The following DNHD1 variants were observed in gnomAD, a reference collection of about 807,000 sequenced individuals.
The protein encoded by DNHD1 is dynein heavy chain domain-containing protein 1.
Under a neutral mutation model 458.1 loss-of-function variants are expected in DNHD1, and 383 were observed. The observed-to-expected ratio is 0.84, with a 90% CI of 0.77 to 0.91. DNHD1 has a LOEUF of 0.91. Ranked by LOEUF, DNHD1 falls within the 40% of genes least tolerant of loss-of-function variation. DNHD1 has a pLI of 0.00. For missense variants in DNHD1, 5,336 were observed against 5,866.1 expected, an observed-to-expected ratio of 0.91 and a Z score of 2.95; for synonymous variants, 2,203 against 2,376.9, an observed-to-expected ratio of 0.93 and a Z score of 2.13.
intron 10 of DNHD1, among the ~76,000 whole-genome samples, chr11:6,527,256 G>A (rs531966584): frequency 2.6e-5 from 4 of 152,304 alleles, no homozygotes; most frequent in African/African-American, 9.6e-5. Context: ...GGAGGCAAGG[G>A]CCAATGCAGG....
intron 14 of DNHD1, among the ~76,000 whole-genome samples, chr11:6,534,562 T>C (rs1449808550): frequency 6.6e-6 from 1 of 152,180 alleles, no homozygotes; most frequent in African/African-American, 2.4e-5. Context: ...AGAGTAGGTC[T>C]TGATGCTCTA....
chr11:6,529,187 T>C (rs1852776742), intron 12 of DNHD1, 66 bp downstream of exon 12: 4 of 1,526,338 alleles, frequency 2.6e-6, no homozygotes, highest in Admixed American at 2.0e-5. Flanking sequence ...TGGCCTGCCT[T>C]GGTCCTGGAA....
chr11:6,520,878 G>A (rs547974340), intron 10 of DNHD1: 198 of 984,220 alleles, frequency 2.0e-4, no homozygotes, highest in African/African-American at 1.9e-3. Flanking sequence ...CATCTGACTC[G>A]TCCATACTTT....
Position 6,563,381 on chromosome 11 carries a change from G to C in DNHD1, c.9670-1G>C. On this transcript the variant is annotated splice_acceptor_variant, in intron 29 of 42. Transcript: ENST00000254579. LOFTEE classifies it high-confidence loss of function. ...TTCAGAGGGTATCTCTCCTCATTTAGATGAGCAAGGCATTTCTGGAGCCTC... is the reference window on the plus strand; with the variant it reads ...TTCAGAGGGTATCTCTCCTCATTTACATGAGCAAGGCATTTCTGGAGCCTC... 3 of 1,551,694 alleles carry C rather than the reference G, an allele frequency of 1.9e-6. No homozygotes were observed. The highest frequency in any genetic ancestry group is 2.6e-6 in the Non-Finnish European group (3 of 1,146,976).
chr11:6,570,830 C>G lies in DNHD1; in HGVS notation c.13318C>G (p.Arg4440Gly), dbSNP rs200725582. The change falls in exon 42 of 43, where the codon CGG becomes GGG. Residue 4440 changes from arginine (R) to glycine (G), a missense_variant. By Grantham distance (125) the Arg-to-Gly change is moderately radical. Transcript: ENST00000254579. ...CGCCCAGCTTGCGGAAAGGCGACTGCGGCAACGCCTAGTGCAAGTCAACCG... is the reference window on the plus strand; with the variant it reads ...CGCCCAGCTTGCGGAAAGGCGACTGGGGCAACGCCTAGTGCAAGTCAACCG... ...RGAQLAERRLRQRLVQVNRRL... is the reference protein window; with the variant it reads ...RGAQLAERRLGQRLVQVNRRL... 1 of 1,614,032 alleles carries G rather than the reference C, an allele frequency of 6.2e-7. No individual in the cohort carries two copies. Among genetic ancestry groups the G allele is most frequent in the Admixed American group, 1.7e-5 (1 of 60,034 alleles).
chr11:6,570,279 A>C lies in DNHD1; in HGVS notation c.12988A>C (p.Thr4330Pro), dbSNP rs1322837859. ...SVFYGGPLGD[T>P]EDREALISLT... ...TTTCTACGGGGGTCCTCTGGGGGACACTGAGGACAGGGAGGCCCTGATTAG... is the reference window on the plus strand; with the variant it reads ...TTTCTACGGGGGTCCTCTGGGGGACCCTGAGGACAGGGAGGCCCTGATTAG... Residue 4330 changes from threonine (T) to proline (P), a missense_variant, in exon 41 of 43, where the codon ACT becomes CCT. By Grantham distance (38) the Thr-to-Pro change is conservative. Around this residue, in one of 4 missense-constraint regions of DNHD1, gnomAD observed 698 missense variants for 664.9 expected, o/e 1.05. Coordinates refer to ENST00000254579, the MANE Select transcript of DNHD1 (RefSeq NM_144666.3). The C allele has an allele frequency of 6.2e-7, 1 of 1,613,782 alleles. No individual in the cohort carries two copies. The highest frequency in any genetic ancestry group is 1.3e-5 in the African/African-American group (1 of 75,014).
rs73404914 is a variant in DNHD1 at position 6,523,628 on chromosome 11, A to G, written c.1837+3339A>G. On this transcript the variant is annotated intron_variant, in intron 10 of 42. Transcript: ENST00000254579. The stretch of plus-strand genomic sequence containing the variant: ...TTATATCAATACATATAAATTTTCA[A>G]TTGAAGCCCCAAATCCCTTAGAAAT... Among the ~76,000 whole-genome samples the G allele has an allele frequency of 7.3e-3, 1,117 of 152,320 alleles. 11 individuals carry two copies. The highest frequency in any genetic ancestry group is 0.025 in the African/African-American group (1,048 of 41,572).
intron 7 of DNHD1, among the ~76,000 whole-genome samples, chr11:6,518,850 G>C (rs1160017385): frequency 6.6e-6 from 1 of 152,060 alleles, no homozygotes; most frequent in Non-Finnish European, 1.5e-5. Flanking sequence ...GAAGACTGGG[G>C]CTTGAGCTCA....
At chr11:6,516,555 C>T (rs574779295) in intron 7 of DNHD1, among the ~76,000 whole-genome samples, 1 of 152,136 alleles carries the variant, frequency 6.6e-6, no homozygotes, top group East Asian at 1.9e-4. Flanking sequence ...ACCTCAGCCT[C>T]CCAAAGTGCT....
intron 12 of DNHD1, among the ~76,000 whole-genome samples, chr11:6,530,222 A>G (rs568669913): frequency 1.3e-5 from 2 of 151,992 alleles, no homozygotes; most frequent in Non-Finnish European, 2.9e-5. Context: ...CCATTCTACT[A>G]CCTATTTTCT....
At chr11:6,526,863 C>T (rs1361611233) in intron 10 of DNHD1, among the ~76,000 whole-genome samples, 1 of 152,188 alleles carries the variant, frequency 6.6e-6, no homozygotes, top group Non-Finnish European at 1.5e-5. Context: ...ACCTGCTGTT[C>T]TGAAATGGGC....
At chr11:6,509,860 A>G (rs957344685) in intron 6 of DNHD1, among the ~76,000 whole-genome samples, 5 of 152,308 alleles carry the variant, frequency 3.3e-5, no homozygotes, top group Admixed American at 3.3e-4. Flanking sequence ...GAAGGAATGC[A>G]GTGGTTTAGG....
rs1852085902 is a variant in DNHD1 at position 6,498,902 on chromosome 11, G to A, written c.687G>A (p.Arg229=). The change falls in exon 3 of 43, where the codon CGG becomes CGA. Residue 229 remains arginine, a synonymous_variant. Coordinates refer to ENST00000254579, the MANE Select transcript of DNHD1 (RefSeq NM_144666.3). ...PLALAADIPV[R]YESSDTDNAE... The stretch of plus-strand genomic sequence containing the variant: ...CACTGGCAGCGGACATCCCTGTACG[G>A]TATGAAAGCAGTGACACTGACAATG... 3.1e-6 allele frequency: 5 copies of A among 1,613,560 alleles called. No individual in the cohort carries two copies. The highest frequency in any genetic ancestry group is 4.2e-6 in the Non-Finnish European group (5 of 1,179,786).
At position 6,538,488 on chromosome 11, in the gene DNHD1, G is replaced by T; in HGVS notation, c.3104G>T (p.Trp1035Leu). Residue 1035 changes from tryptophan to leucine, a missense_variant, in exon 15 of 43, where the codon TGG (tryptophan) becomes TTG (leucine). Around this residue, in one of 4 missense-constraint regions of DNHD1, gnomAD observed 3,932 missense variants for 4,365.6 expected, o/e 0.90. Coordinates refer to ENST00000254579, the MANE Select transcript of DNHD1 (RefSeq NM_144666.3). ...YRVISENISE[W>L]KCMAFAKFSP... is the part of the protein sequence containing the mutation. Reference sequence around the variant, plus strand: ...GTCATCTCCGAAAACATCAGCGAGTGGAAGTGCATGGCTTTTGCCAAGGTG... The same window carrying T: ...GTCATCTCCGAAAACATCAGCGAGTTGAAGTGCATGGCTTTTGCCAAGGTG... The T allele has an allele frequency of 6.4e-7, 1 of 1,551,774 alleles. No individual in the cohort carries two copies. Among genetic ancestry groups the T allele is most frequent in the Non-Finnish European group, 8.7e-7 (1 of 1,147,008 alleles).
Position 6,498,109 on chromosome 11 carries a change from G to C in DNHD1, c.-107G>C. On this transcript the variant is annotated 5_prime_UTR_variant, in exon 3 of 43. Coordinates refer to ENST00000254579, the MANE Select transcript of DNHD1 (RefSeq NM_144666.3). ...GGTCCCTTCTCTGGCCCCTCTGCTG[G>C]GCTGGCCCATGCAGGTGAGGCCCCG... 1.3e-6 allele frequency: 2 copies of C among 1,492,932 alleles called. No homozygotes were observed. Among genetic ancestry groups the C allele is most frequent in the Non-Finnish European group, 9.1e-7 (1 of 1,100,792 alleles). 92.5% of individuals were successfully genotyped at this position (1,492,932 alleles called of 1,614,324 possible).
intron 39 of DNHD1, among the ~76,000 whole-genome samples, 196 bp downstream of exon 39, chr11:6,569,062 T>TAG (rs1230639007): frequency 6.6e-6 from 1 of 152,008 alleles, no homozygotes; most frequent in Non-Finnish European, 1.5e-5. Flanking sequence ...GCAAATCAGG[T>TAG]AGAGATGGGC....
Position 6,559,256 on chromosome 11 carries a change from G to A in DNHD1, c.9492G>A (p.Leu3164=). 6.4e-7 allele frequency: 1 copy of A among 1,551,636 alleles called. No homozygotes were observed. Among genetic ancestry groups the A allele is most frequent in the Non-Finnish European group, 8.7e-7 (1 of 1,146,980 alleles). Residue 3164 remains leucine (L), a synonymous_variant, in exon 28 of 43, where the codon TTG becomes TTA. Transcript: ENST00000254579. The stretch of plus-strand genomic sequence containing the variant: ...CCCATGCCAATCTGATCTTTGACTT[G>A]GAACAGCAGCTGAAAGACTCCGGCA... ...HGTHANLIFD[L]EQQLKDSGKS...
Position 6,548,215 on chromosome 11 carries a change from G to C in DNHD1, c.6911G>C (p.Trp2304Ser). 9.0e-6 allele frequency: 14 copies of C among 1,551,578 alleles called. No individual in the cohort carries two copies. The highest frequency in any genetic ancestry group is 1.2e-5 in the Non-Finnish European group (14 of 1,146,932). Residue 2304 changes from tryptophan to serine, a missense_variant, in exon 23 of 43, where the codon TGG becomes TCG. By Grantham distance (177) the Trp-to-Ser change is radical. Around this residue, in one of 4 missense-constraint regions of DNHD1, gnomAD observed 3,932 missense variants for 4,365.6 expected, o/e 0.90. Transcript: ENST00000254579. The surrounding 1 kb of genome is among the most constrained non-coding windows in gnomAD (Gnocchi z 4.4). Reference protein sequence around the residue: ...GFGAHLPSRFWPIFDTFIRDS... With the variant: ...GFGAHLPSRFSPIFDTFIRDS... ...CTGTGTGTCCATCTGAGCAGGTTCTGGCCCATCTTTGATACCTTCATAAGG... is the reference window on the plus strand; with the variant it reads ...CTGTGTGTCCATCTGAGCAGGTTCTCGCCCATCTTTGATACCTTCATAAGG...
At position 6,564,743 on chromosome 11, in the gene DNHD1, G is replaced by A. The variant is rs1202807905; in HGVS notation, c.10695G>A (p.Trp3565Ter). The A allele has an allele frequency of 6.5e-7, 1 of 1,547,294 alleles. No individual in the cohort carries two copies. Among genetic ancestry groups the A allele is most frequent in the African/African-American group, 1.4e-5 (1 of 72,982 alleles). Residue 3565 changes from tryptophan to a stop codon, truncating the protein, a stop_gained, in exon 32 of 43, where the codon TGG (tryptophan) becomes TGA (stop). Transcript: ENST00000254579. LOFTEE classifies it high-confidence loss of function. ...LLDPSNEALIWLDPLPLEENR... is the reference protein window; with the variant it reads ...LLDPSNEALI The stretch of plus-strand genomic sequence containing the variant: ...ACCCCAGCAACGAGGCCCTCATCTG[G>A]TTGGACCCGCTGCCTCTGGAAGAGA...
Sources: allele counts gnomAD v4.1 joint callset (sites outside exome capture counted in the v4.1 genomes callset), GRCh38; gene constraint gnomAD v4.1.1; regional missense constraint gnomAD v4.1.1; non-coding constraint Gnocchi (gnomAD v3.1); transcripts MANE v1.5; gene names NCBI Gene and HGNC (gene_info 2026-07-23, HGNC 2026-07-21).